CDYL: variants seen among roughly 807,000 people sequenced by gnomAD.
CDYL encodes the protein chromodomain Y like, also known as chromodomain Y-like protein.
CDYL carries 8 observed loss-of-function variants against 47.3 expected under a neutral mutation model. The observed-to-expected ratio is 0.17, with a 90% CI of 0.10 to 0.31. CDYL has a LOEUF of 0.31. Among genes scored for constraint, CDYL ranks in the 10% least tolerant of loss-of-function variants. CDYL has a pLI of 1.00. For missense variants in CDYL, 471 were observed against 701.4 expected (o/e 0.67, Z 3.71); for synonymous variants, 266 against 265.0 (o/e 1.00, Z -0.04).
intron 3 of CDYL, among the ~76,000 whole-genome samples, chr6:4,751,709 T>A (rs1374253379): frequency 2.6e-5 from 4 of 152,192 alleles, no homozygotes; most frequent in Admixed American, 2.6e-4. Flanking sequence ...CATGAACCAG[T>A]TTTTAACTCT....
Position 4,776,682 on chromosome 6 carries a change from A to T in CDYL, c.-102A>T. On this transcript the variant is annotated 5_prime_UTR_variant, in exon 1 of 7. Transcript: ENST00000397588. ...GCGCCCGGCCGGCCGCGGGAGCAGGAAGCGCAGGCCACGCAGGACCCAACT... is the reference window on the plus strand; with the variant it reads ...GCGCCCGGCCGGCCGCGGGAGCAGGTAGCGCAGGCCACGCAGGACCCAACT... 1 of 1,083,062 alleles carries T rather than the reference A, an allele frequency of 9.2e-7. No homozygotes were observed. Among genetic ancestry groups the T allele is most frequent in the Middle Eastern group, 3.7e-4 (1 of 2,698 alleles). 67.1% of individuals were successfully genotyped at this position (1,083,062 alleles called of 1,614,324 possible).
intron 1 of CDYL, among the ~76,000 whole-genome samples, chr6:4,856,830 T>C (rs899317063): frequency 2.6e-5 from 4 of 152,160 alleles, no homozygotes; most frequent in African/African-American, 9.7e-5. Flanking sequence ...AAGAAGATAA[T>C]AGAATCATTA....
At chr6:4,834,979 A>G (rs1460592424) in intron 1 of CDYL, among the ~76,000 whole-genome samples, 1 of 151,766 alleles carries the variant, frequency 6.6e-6, no homozygotes, top group Non-Finnish European at 1.5e-5. Context: ...ATTCGTCTAA[A>G]TTTTTTTTGA....
At chr6:4,791,462 C>T (rs769541581) in intron 1 of CDYL, among the ~76,000 whole-genome samples, 4 of 152,130 alleles carry the variant, frequency 2.6e-5, no homozygotes, top group Non-Finnish European at 5.9e-5. Context: ...CACCATAGAG[C>T]ATATTCAAAA....
chr6:4,816,394 A>G (rs1759677664), intron 1 of CDYL, among the ~76,000 whole-genome samples: 1 of 151,994 alleles, frequency 6.6e-6, no homozygotes, highest in Non-Finnish European at 1.5e-5. Flanking sequence ...AACTACTACT[A>G]CGAAGATTTA....
At chr6:4,858,241 GA>G (rs1761066504) in intron 1 of CDYL, among the ~76,000 whole-genome samples, 1 of 152,036 alleles carries the variant, frequency 6.6e-6, no homozygotes, top group Non-Finnish European at 1.5e-5. Flanking sequence ...TATTTTCCTA[GA>G]AAAATTCAAG....
chr6:4,735,167 T>TC (rs1201723865), intron 3 of CDYL, among the ~76,000 whole-genome samples: 4 of 151,980 alleles, frequency 2.6e-5, no homozygotes, highest in African/African-American at 9.7e-5. Flanking sequence ...ATGCCTGTAA[T>TC]CCCAGCTACT....
At chr6:4,906,818 G>A (rs1185710188) in intron 2 of CDYL, among the ~76,000 whole-genome samples, 1 of 144,146 alleles carries the variant, frequency 6.9e-6, no homozygotes. Context: ...GAAGGAGGTT[G>A]CCCTAGTAAA....
intron 1 of CDYL, among the ~76,000 whole-genome samples, chr6:4,825,214 T>C (rs372951423): frequency 6.6e-6 from 1 of 152,188 alleles, no homozygotes; most frequent in Non-Finnish European, 1.5e-5. Context: ...CTATCACTTT[T>C]GGTTAGCATG....
chr6:4,732,484 T>C (rs1018085553), intron 2 of CDYL, among the ~76,000 whole-genome samples: 1 of 151,396 alleles, frequency 6.6e-6, no homozygotes, highest in Non-Finnish European at 1.5e-5. Context: ...CAAGACCCCA[T>C]CTCTACAAAA....
intron 1 of CDYL, among the ~76,000 whole-genome samples, chr6:4,813,089 CAGTT>C (rs1191320523): frequency 6.6e-6 from 1 of 152,128 alleles, no homozygotes; most frequent in Non-Finnish European, 1.5e-5. Flanking sequence ...TTTTAATGGT[CAGTT>C]AGAGCTCTAG....
At chr6:4,914,346 C>A (rs1369101964) in intron 2 of CDYL, among the ~76,000 whole-genome samples, 1 of 152,048 alleles carries the variant, frequency 6.6e-6, no homozygotes, top group Non-Finnish European at 1.5e-5. Context: ...GGCACGTCCT[C>A]TCCTCTGTGC....
chr6:4,793,751 C>T lies in CDYL; in HGVS notation c.24+16944C>T, dbSNP rs1043474045. On this transcript the variant is annotated intron_variant, in intron 1 of 6. Transcript: ENST00000397588. ...GAGGTAGTAAGGAGTGATTGCATTT[C>T]GGGGATATTTTGAAGGTATTGCTGA... Among the ~76,000 whole-genome samples the T allele has an allele frequency of 2.2e-4, 34 of 151,898 alleles. 1 individual carries two copies. The highest frequency in any genetic ancestry group is 7.3e-4 in the African/African-American group (30 of 41,318).
At chr6:4,937,811 C>T in intron 4 of CDYL, 74 bp downstream of exon 4, 3 of 1,141,726 alleles carry the variant, frequency 2.6e-6, no homozygotes, top group Non-Finnish European at 3.8e-6. Flanking sequence ...ATAGAATGGG[C>T]CTGACCAAGC....
rs187620638 is a variant in CDYL, at chr6:4,726,692, C to A, written c.104-8070C>A. Among the ~76,000 whole-genome samples, 341 of 149,720 alleles carry A rather than the reference C, an allele frequency of 2.3e-3. 5 individuals carry two copies. Among genetic ancestry groups the A allele is most frequent in the African/African-American group, 8.0e-3 (325 of 40,498 alleles). ...GTCCAGCCTGGGTGAGAGAGTGAGA[C>A]CTGTCTCAAAAAAAAAAAAAAGTCG... On this transcript the variant is annotated intron_variant, in intron 2 of 8. Transcript: ENST00000328908.
chr6:4,781,124 A>G (rs1758607594), intron 1 of CDYL, among the ~76,000 whole-genome samples: 1 of 152,236 alleles, frequency 6.6e-6, no homozygotes, highest in African/African-American at 2.4e-5. Flanking sequence ...TAAGCTTTTA[A>G]GAATGAAATC....
At chr6:4,802,854 A>G (rs1759264364) in intron 1 of CDYL, among the ~76,000 whole-genome samples, 1 of 152,046 alleles carries the variant, frequency 6.6e-6, no homozygotes, top group Non-Finnish European at 1.5e-5. Flanking sequence ...AGAGGTTTTC[A>G]GAGGCCACAG....
intron 4 of CDYL, among the ~76,000 whole-genome samples, 187 bp from the exon 5 acceptor site, chr6:4,943,358 AC>A (rs1322452380): frequency 1.3e-5 from 2 of 152,152 alleles, no homozygotes; most frequent in Non-Finnish European, 2.9e-5. Context: ...CCAGGCTGTC[AC>A]CAAACCTTTA....
upstream of CDYL, among the ~76,000 whole-genome samples, chr6:4,775,742 G>C (rs1758421122): frequency 6.7e-6 from 1 of 148,182 alleles, no homozygotes; most frequent in South Asian, 2.1e-4. This position sits in a 1 kb window ranked among gnomAD's most constrained non-coding sequence, Gnocchi z 7.0. Context: ...GCGCGGCCCG[G>C]GCTCCGGGTC....
Sources: gnomAD v4.1 joint callset for allele counts (sites outside exome capture counted in the v4.1 genomes callset) on GRCh38, gnomAD v4.1.1 for gene constraint, Gnocchi (gnomAD v3.1) non-coding constraint, MANE v1.5 for transcripts, NCBI Gene and HGNC (gene_info 2026-07-23, HGNC 2026-07-21) for gene names.